The following EBF2 variants were observed in gnomAD, a reference collection of about 807,000 sequenced individuals.
The protein encoded by EBF2 is EBF transcription factor 2.
In EBF2, 21 loss-of-function variants were observed where a neutral mutation model predicts 72.8. The observed-to-expected ratio is 0.29, with a 90% CI of 0.20 to 0.42. EBF2 has a LOEUF of 0.42. EBF2 is among the 10% of genes least tolerant of loss of function. The probability of loss-of-function intolerance (pLI) is 1.00; values close to 1 mark genes in which losing one functional copy is unlikely to be tolerated. For missense variants in EBF2, 637 were observed against 731.2 expected, an observed-to-expected ratio of 0.87 and a Z score of 1.49; for synonymous variants, 299 against 274.2, an observed-to-expected ratio of 1.09 and a Z score of -0.89.
chr8:26,027,489 T>C (rs1289093085), intron 6 of EBF2, among the ~76,000 whole-genome samples: 1 of 152,152 alleles, frequency 6.6e-6, no homozygotes, highest in Non-Finnish European at 1.5e-5. Context: ...TAAAATAAAA[T>C]AAAATATAAA....
chr8:25,875,650 G>C (rs1802508768), intron 10 of EBF2, among the ~76,000 whole-genome samples: 1 of 152,158 alleles, frequency 6.6e-6, no homozygotes, highest in Non-Finnish European at 1.5e-5. Flanking sequence ...CTTCTAGAAA[G>C]TTCCACCTAA....
intron 6 of EBF2, among the ~76,000 whole-genome samples, chr8:25,971,956 C>A (rs1003198885): frequency 2.6e-5 from 4 of 152,158 alleles, no homozygotes; most frequent in Non-Finnish European, 5.9e-5. Context: ...ATGGCCAGGG[C>A]GCATTGTTCC....
Position 25,911,286 on chromosome 8 carries a change from A to G in EBF2, c.552-2731T>C, listed in dbSNP as rs139832087. 1.5e-3 allele frequency among the ~76,000 whole-genome samples: 227 copies of G among 152,324 alleles called. 1 individual carries two copies. The highest frequency in any genetic ancestry group is 5.0e-3 in the African/African-American group (209 of 41,580). On this transcript the variant is annotated intron_variant, in intron 6 of 15. Transcript: ENST00000520164. ...GATTATCAGGATGAAATCTATTTCC[A>G]CTTTCTCCAAACAATGTTGACAACG...
chr8:25,969,493 AG>A (rs1361890296), intron 6 of EBF2, among the ~76,000 whole-genome samples: 1 of 152,190 alleles, frequency 6.6e-6, no homozygotes, highest in East Asian at 1.9e-4. Flanking sequence ...CCCTCCTGGG[AG>A]ACAGGAAGTG....
intron 7 of EBF2, among the ~76,000 whole-genome samples, chr8:25,894,670 A>AC (rs1356787778): frequency 6.6e-6 from 1 of 152,192 alleles, no homozygotes; most frequent in Non-Finnish European, 1.5e-5. Flanking sequence ...ACACAAGGAC[A>AC]CCTTTGACCT....
At chr8:25,942,587 T>A (rs529493491) in intron 6 of EBF2, among the ~76,000 whole-genome samples, 1 of 152,288 alleles carries the variant, frequency 6.6e-6, no homozygotes, top group East Asian at 1.9e-4. Flanking sequence ...CCCAGCCCCC[T>A]CCTCAGGCGG....
At chr8:25,988,300 T>C (rs11135907) in intron 6 of EBF2, among the ~76,000 whole-genome samples, 48,954 of 152,094 alleles carry the variant, frequency 0.32, 8,751 homozygotes, top group South Asian at 0.43. Context: ...AGTCCCTATG[T>C]CCCAGCCATT....
At chr8:25,945,085 G>C (rs891480421) in intron 6 of EBF2, among the ~76,000 whole-genome samples, 2 of 83,208 alleles carry the variant, frequency 2.4e-5, no homozygotes, top group African/African-American at 9.4e-5. Context: ...AGATTGTTCT[G>C]TTGCCCCCCC....
intron 8 of EBF2, 61 bp downstream of exon 8, chr8:25,889,691 C>T (rs566303021): frequency 4.4e-5 from 60 of 1,357,916 alleles, no homozygotes; most frequent in Admixed American, 8.7e-5. Context: ...ATTTGAAGTT[C>T]GAACAAGGAA....
intron 6 of EBF2, among the ~76,000 whole-genome samples, chr8:25,996,529 T>A (rs1389897396): frequency 1.3e-5 from 2 of 151,790 alleles, no homozygotes; most frequent in Non-Finnish European, 1.5e-5. Context: ...CTGAAACTCA[T>A]GAAAAATCAT....
In EBF2 at chr8:26,004,535, C is replaced by G. The variant is rs1019579844; in HGVS notation, c.551+28550G>C. ...ACTAAAAATACAAAAACTAGCTGGGCGTGGTGGCATACGCCTGTAGTCCCA... is the reference window on the plus strand; with the variant it reads ...ACTAAAAATACAAAAACTAGCTGGGGGTGGTGGCATACGCCTGTAGTCCCA... On this transcript the variant is annotated intron_variant, in intron 6 of 15. Transcript: ENST00000520164. Among the ~76,000 whole-genome samples the G allele has an allele frequency of 3.3e-5, 5 of 151,798 alleles. No individual in the cohort carries two copies. In the East Asian group the frequency reaches 9.7e-4, roughly 29 times the overall value.
chr8:25,994,693 A>G (rs1563202479), intron 6 of EBF2, among the ~76,000 whole-genome samples: 1 of 152,240 alleles, frequency 6.6e-6, no homozygotes, highest in Non-Finnish European at 1.5e-5. Context: ...AGGAGCAGAA[A>G]ACCAAATGCT....
At chr8:25,952,049 G>A (rs1438311394) in intron 6 of EBF2, among the ~76,000 whole-genome samples, 1 of 152,158 alleles carries the variant, frequency 6.6e-6, no homozygotes, top group African/African-American at 2.4e-5. Flanking sequence ...TTCCAACCCT[G>A]TGGAAGGCCA....
Position 25,866,443 on chromosome 8 carries a change from A to AAT in EBF2, c.1010-3648_1010-3647dup, listed in dbSNP as rs58044762. ...GGCCAGATTTTTTATTTATATATAT[A>AAT]ATATATATATATATATAATATATAG... On this transcript the variant is annotated intron_variant, in intron 10 of 15. Transcript: ENST00000520164. Among the ~76,000 whole-genome samples the AAT allele has an allele frequency of 8.0e-3, 1,121 of 140,100 alleles. 12 individuals are homozygous for AAT. Among genetic ancestry groups the AAT allele is most frequent in the Middle Eastern group, 0.022 (6 of 274 alleles). 91.9% of individuals were successfully genotyped at this position (140,100 alleles called of 152,430 possible). A position where few individuals can be genotyped will look rare whatever the true frequency, so the allele number is the denominator to read the frequency against.
chr8:26,010,828 G>C (rs930285648), intron 6 of EBF2, among the ~76,000 whole-genome samples: 1 of 152,110 alleles, frequency 6.6e-6, no homozygotes, highest in African/African-American at 2.4e-5. Context: ...GGCTCTTTCT[G>C]TCCTTCATCA....
At position 26,006,107 on chromosome 8, in the gene EBF2, A is replaced by G. The variant is rs564439738; in HGVS notation, c.551+26978T>C. Among the ~76,000 whole-genome samples, 3 of 152,304 alleles carry G rather than the reference A, an allele frequency of 2.0e-5. No homozygotes were observed. In the East Asian group the frequency reaches 5.8e-4, roughly 29 times the overall value. ...GGAATAAAAAGTTAAAACATACTCT[A>G]AGGCAGGTCCTCAGAAAGCTGATCC... On this transcript the variant is annotated intron_variant, in intron 6 of 15. Coordinates refer to ENST00000520164, the MANE Select transcript of EBF2 (RefSeq NM_022659.4).
chr8:26,012,677 C>G (rs1805045089), intron 6 of EBF2, among the ~76,000 whole-genome samples: 1 of 152,174 alleles, frequency 6.6e-6, no homozygotes, highest in African/African-American at 2.4e-5. Context: ...GCATTCTCTG[C>G]CTCTAAGACA....
At chr8:25,953,247 G>A (rs1406799688) in intron 6 of EBF2, among the ~76,000 whole-genome samples, 2 of 152,176 alleles carry the variant, frequency 1.3e-5, no homozygotes, top group Non-Finnish European at 2.9e-5. Flanking sequence ...GGAAAGCCCT[G>A]GAGGACAGGA....
chr8:25,946,100 G>C (rs1803764453), intron 6 of EBF2, among the ~76,000 whole-genome samples: 1 of 152,194 alleles, frequency 6.6e-6, no homozygotes, highest in South Asian at 2.1e-4. Context: ...AATCATTTCT[G>C]ATAATGAGTT....
Sources: gnomAD v4.1 joint callset for allele counts (sites outside exome capture counted in the v4.1 genomes callset) on GRCh38, gnomAD v4.1.1 for gene constraint, MANE v1.5 for transcripts, NCBI Gene and HGNC (gene_info 2026-07-23, HGNC 2026-07-21) for gene names.